The following GPM6A variants were observed in gnomAD, a reference collection of about 807,000 sequenced individuals.
GPM6A encodes the protein neuronal membrane glycoprotein M6-a.
In GPM6A, 7 loss-of-function variants were observed where a neutral mutation model predicts 32.1. That is an observed-to-expected ratio of 0.22 (90% CI 0.12 to 0.41). The LOEUF (loss-of-function observed/expected upper bound fraction) is 0.41, where lower values mean the gene tolerates loss of function less well. Among genes scored for constraint, GPM6A ranks in the 10% least tolerant of loss-of-function variants. The pLI, the probability that GPM6A is intolerant of heterozygous loss-of-function variation, is 1.00. For missense variants in GPM6A, 235 were observed against 347.2 expected (o/e 0.68, Z 2.57); for synonymous variants, 130 against 123.4 (o/e 1.05, Z -0.35).
At chr4:175,913,560 A>C (rs1738389885) in intron 1 of GPM6A, among the ~76,000 whole-genome samples, 1 of 152,166 alleles carries the variant, frequency 6.6e-6, no homozygotes, top group Non-Finnish European at 1.5e-5. Context: ...ATACCCTTAC[A>C]TCATCAGCCC....
At chr4:175,986,665 T>C (rs1740985303) in intron 1 of GPM6A, among the ~76,000 whole-genome samples, 1 of 152,244 alleles carries the variant, frequency 6.6e-6, no homozygotes, top group South Asian at 2.1e-4. Context: ...CCATGTATCA[T>C]ATTTTTCATC....
At chr4:175,736,091 T>A (rs1731647723) in intron 1 of GPM6A, among the ~76,000 whole-genome samples, 1 of 152,148 alleles carries the variant, frequency 6.6e-6, no homozygotes, top group Admixed American at 6.6e-5. Flanking sequence ...AGTGGTGCAA[T>A]CATAGCTTAC....
intron 2 of GPM6A, among the ~76,000 whole-genome samples, chr4:175,684,985 T>C (rs1743896560): frequency 6.6e-6 from 1 of 152,132 alleles, no homozygotes; most frequent in Non-Finnish European, 1.5e-5. Flanking sequence ...GCCTCCAGGT[T>C]CACGCCATTC....
At chr4:175,815,919 G>A (rs550450032), upstream of GPM6A, among the ~76,000 whole-genome samples, 1 of 152,006 alleles carries the variant, frequency 6.6e-6, no homozygotes, top group Non-Finnish European at 1.5e-5. Context: ...GTTTCTCCAT[G>A]TTGGTCAGGC....
At chr4:175,866,234 C>T (rs562126838) in intron 1 of GPM6A, among the ~76,000 whole-genome samples, 5 of 152,262 alleles carry the variant, frequency 3.3e-5, no homozygotes, top group African/African-American at 1.2e-4. Context: ...ACATTTCCCA[C>T]CAGAATGGCA....
At chr4:175,706,065 C>T (rs1382103443) in intron 1 of GPM6A, among the ~76,000 whole-genome samples, 5 of 151,996 alleles carry the variant, frequency 3.3e-5, no homozygotes, top group Admixed American at 6.6e-5. Flanking sequence ...AACATGAAAA[C>T]AAATATTAAA....
intron 1 of GPM6A, among the ~76,000 whole-genome samples, chr4:175,836,914 A>G (rs1393283036): frequency 6.6e-6 from 1 of 152,180 alleles, no homozygotes; most frequent in Non-Finnish European, 1.5e-5. Context: ...CAACTCCCCC[A>G]GGATGTCCGT....
At chr4:175,960,076 T>A (rs976762134) in intron 1 of GPM6A, among the ~76,000 whole-genome samples, 1 of 152,220 alleles carries the variant, frequency 6.6e-6, no homozygotes, top group Non-Finnish European at 1.5e-5. Context: ...AGCATCCTCA[T>A]TGAATAGGAC....
At chr4:175,918,354 A>T (rs889890811) in intron 1 of GPM6A, among the ~76,000 whole-genome samples, 3 of 152,186 alleles carry the variant, frequency 2.0e-5, no homozygotes, top group African/African-American at 7.2e-5. Flanking sequence ...GTTGAGTTAC[A>T]TGTGGAAGAG....
chr4:175,755,290 T>A (rs1005779143), intron 1 of GPM6A, among the ~76,000 whole-genome samples: 1 of 151,982 alleles, frequency 6.6e-6, no homozygotes, highest in Admixed American at 6.6e-5. Flanking sequence ...AATAAACAAA[T>A]ATGGTATCCT....
chr4:175,635,009 C>T lies in GPM6A; in HGVS notation c.733G>A (p.Ala245Thr), dbSNP rs1479820042. ...LSANWAYVKDACRMQKYEDIK... is the reference protein window; with the variant it reads ...LSANWAYVKDTCRMQKYEDIK... ...TCTTCATACTTCTGCATCCGGCAGG[C>T]GTCTTTCACATAGGCCCAGTTGGCA... is the stretch of plus-strand genomic sequence containing the variant. The change falls in exon 7 of 7, where the codon GCC becomes ACC. Residue 245 changes from alanine to threonine, a missense_variant. Coordinates refer to ENST00000393658, the MANE Select transcript of GPM6A (RefSeq NM_201591.3). The T allele has an allele frequency of 5.0e-6, 8 of 1,613,436 alleles. No homozygotes were observed. Among genetic ancestry groups the T allele is most frequent in the African/African-American group, 1.3e-5 (1 of 74,910 alleles).
intron 1 of GPM6A, among the ~76,000 whole-genome samples, chr4:175,788,993 G>C (rs1372314161): frequency 6.6e-6 from 1 of 152,140 alleles, no homozygotes; most frequent in African/African-American, 2.4e-5. Context: ...CTGGAAGTAG[G>C]AAGTTAACGT....
chr4:175,993,260 C>T (rs1024100594), intron 1 of GPM6A, among the ~76,000 whole-genome samples: 1 of 151,132 alleles, frequency 6.6e-6, no homozygotes, highest in Non-Finnish European at 1.5e-5. Context: ...ATTAAAAATG[C>T]TTTGATTTCA....
chr4:175,888,381 C>A (rs1209584350), intron 1 of GPM6A, among the ~76,000 whole-genome samples: 2 of 151,942 alleles, frequency 1.3e-5, no homozygotes, highest in African/African-American at 4.8e-5. Context: ...AGAAGCATTT[C>A]CTTTTAATTC....
Position 175,640,801 on chromosome 4 carries a change from T to G in GPM6A, c.570A>C (p.Lys190Asn). The part of the protein sequence containing the change: ...FGIVTIGEEK[K>N]ICTVSENFLR... ...AGAAATTCTCAGAGACAGTACAAAT[T>G]TTCTTTTCCTCTCCAATTGTCACAA... The change falls in exon 5 of 7, where the codon AAA becomes AAC. Residue 190 changes from lysine to asparagine, a missense_variant. By Grantham distance (94) the Lys-to-Asn change is moderately conservative. Coordinates refer to ENST00000393658, the MANE Select transcript of GPM6A (RefSeq NM_201591.3). 2 of 1,609,684 alleles carry G rather than the reference T, an allele frequency of 1.2e-6. No homozygotes were observed.
chr4:175,881,391 T>A (rs1045680141), intron 1 of GPM6A, among the ~76,000 whole-genome samples: 11 of 152,200 alleles, frequency 7.2e-5, no homozygotes, highest in Non-Finnish European at 1.6e-4. Flanking sequence ...TTTACCCTGT[T>A]GGTGGGACTG....
chr4:175,939,501 A>C (rs896862010), intron 1 of GPM6A, among the ~76,000 whole-genome samples: 4 of 152,234 alleles, frequency 2.6e-5, no homozygotes, highest in Non-Finnish European at 5.9e-5. Flanking sequence ...AAAGTACTAA[A>C]TAAAAATCCA....
chr4:175,815,784 C>T (rs1735080709), upstream of GPM6A, among the ~76,000 whole-genome samples: 1 of 139,006 alleles, frequency 7.2e-6, no homozygotes, highest in Non-Finnish European at 1.5e-5. Flanking sequence ...ATGGCATGAT[C>T]TCAGCTCACT....
At chr4:175,735,822 A>C (rs1241138772) in intron 1 of GPM6A, among the ~76,000 whole-genome samples, 1 of 152,128 alleles carries the variant, frequency 6.6e-6, no homozygotes, top group East Asian at 1.9e-4. Context: ...GGCCTCCCAA[A>C]GTGCTGGGAT....
Sources: gnomAD v4.1 joint callset for allele counts (sites outside exome capture counted in the v4.1 genomes callset) on GRCh38, gnomAD v4.1.1 for gene constraint, MANE v1.5 for transcripts, NCBI Gene and HGNC (gene_info 2026-07-23, HGNC 2026-07-21) for gene names.